Variants in ERN1 observed in about 807,000 individuals in gnomAD.
The protein encoded by ERN1 is serine/threonine-protein kinase/endoribonuclease IRE1.
Under a neutral mutation model 113.1 loss-of-function variants are expected in ERN1, and 39 were observed. The ratio of observed to expected loss-of-function variants is 0.34; its 90% confidence interval spans 0.27 to 0.45. ERN1 has a LOEUF of 0.45. Ranked by LOEUF, ERN1 falls within the 20% of genes least tolerant of loss-of-function variation. The pLI is 1.00. For missense variants in ERN1, 976 were observed against 1,274.8 expected (o/e 0.77, Z 3.57); for synonymous variants, 507 against 515.9 (o/e 0.98, Z 0.23).
intron 1 of ERN1, chr17:64,098,634 T>C: frequency 2.0e-6 from 1 of 512,212 alleles, no homozygotes; most frequent in Non-Finnish European, 3.9e-6. Flanking sequence ...TACCCACGCA[T>C]ACACACATTC....
At chr17:64,090,881 T>C (rs1290162775) in intron 2 of ERN1, among the ~76,000 whole-genome samples, 1 of 152,202 alleles carries the variant, frequency 6.6e-6, no homozygotes, top group Non-Finnish European at 1.5e-5. Flanking sequence ...CATTTGGATA[T>C]GTTTTAAACC....
chr17:64,116,680 C>T (rs1024702069), intron 1 of ERN1, among the ~76,000 whole-genome samples: 1 of 151,940 alleles, frequency 6.6e-6, no homozygotes, highest in African/African-American at 2.4e-5. Flanking sequence ...CACACAAACA[C>T]ACCCATTTGT....
intron 8 of ERN1, 84 bp downstream of exon 8, chr17:64,066,587 T>C: frequency 6.6e-7 from 1 of 1,520,880 alleles, no homozygotes. Context: ...GTCTTTGGCC[T>C]CCCGTGCAGG....
intron 19 of ERN1, 67 bp from the exon 20 acceptor site, chr17:64,045,549 A>C: frequency 6.2e-7 from 1 of 1,602,824 alleles, no homozygotes; most frequent in Non-Finnish European, 8.5e-7. Context: ...TGCGACTGGG[A>C]CTCAGTAACA....
intron 1 of ERN1, among the ~76,000 whole-genome samples, chr17:64,101,037 G>A (rs1299256644): frequency 6.6e-6 from 1 of 152,036 alleles, no homozygotes; most frequent in African/African-American, 2.4e-5. Context: ...AAGCCTGTTA[G>A]AATTAGGTTT....
At chr17:64,115,886 C>T (rs1417255054) in intron 1 of ERN1, among the ~76,000 whole-genome samples, 1 of 152,064 alleles carries the variant, frequency 6.6e-6, no homozygotes, top group Admixed American at 6.6e-5. Flanking sequence ...TTACCAGACC[C>T]TCATCTCTCC....
intron 12 of ERN1, 29 bp from the exon 13 acceptor site, chr17:64,055,977 G>C: frequency 2.0e-6 from 3 of 1,511,044 alleles, no homozygotes; most frequent in Middle Eastern, 2.3e-4. Flanking sequence ...ATCCAGACAA[G>C]GGCAGCTGTT....
intron 19 of ERN1, among the ~76,000 whole-genome samples, chr17:64,045,741 T>C (rs1912493183): frequency 6.6e-6 from 1 of 152,050 alleles, no homozygotes; most frequent in Admixed American, 6.6e-5. Context: ...CACGAACGCA[T>C]ACCCTGAATT....
chr17:64,096,481 A>G (rs923253768), intron 2 of ERN1, among the ~76,000 whole-genome samples: 14 of 152,324 alleles, frequency 9.2e-5, no homozygotes, highest in Middle Eastern at 3.4e-3. Flanking sequence ...TTCATTCTAC[A>G]TTACAATGTA....
At chr17:64,045,257 G>A (rs971344601) in intron 20 of ERN1, 102 bp downstream of exon 20, 8 of 1,366,190 alleles carry the variant, frequency 5.9e-6, no homozygotes, top group Admixed American at 3.7e-5. Context: ...CAGGTGGGAT[G>A]TGGGGCCTGA....
chr17:64,055,505 C>T (rs1912830690), intron 13 of ERN1, among the ~76,000 whole-genome samples, 170 bp downstream of exon 13: 1 of 152,168 alleles, frequency 6.6e-6, no homozygotes, highest in Non-Finnish European at 1.5e-5. Flanking sequence ...AGGGGAGATG[C>T]CAAGGGATGG....
intron 1 of ERN1, among the ~76,000 whole-genome samples, chr17:64,102,457 C>T (rs1914412865): frequency 6.6e-6 from 1 of 152,214 alleles, no homozygotes; most frequent in Non-Finnish European, 1.5e-5. Context: ...TCAAGGCTCT[C>T]AACTGTACCA....
chr17:64,045,669 C>A (rs1055137847), intron 19 of ERN1, among the ~76,000 whole-genome samples, 187 bp from the exon 20 acceptor site: 1 of 152,154 alleles, frequency 6.6e-6, no homozygotes, highest in African/African-American at 2.4e-5. Flanking sequence ...TCACGAAGCA[C>A]AGGCCCACAG....
rs757494318 is a variant in ERN1 at position 64,053,279 on chromosome 17, G to C, written c.2046C>G (p.Leu682=). 1 of 1,607,076 alleles carries C rather than the reference G, an allele frequency of 6.2e-7. No individual in the cohort carries two copies. Among genetic ancestry groups the C allele is most frequent in the East Asian group, 2.2e-5 (1 of 44,816 alleles). ...TAAAGTGCAGCCTCTCACCGATGTT[G>C]AGGGAGTGGAGGTGGGCCAGGCCCG... ...TTSGLAHLHS[L]NIVHRDLKPH... Residue 682 remains leucine (L), a synonymous_variant, in exon 16 of 22, where the codon CTC becomes CTG. Coordinates refer to ENST00000433197, the MANE Select transcript of ERN1 (RefSeq NM_001433.5).
At chr17:64,046,820 C>T (rs963854184) in intron 19 of ERN1, among the ~76,000 whole-genome samples, 1 of 152,218 alleles carries the variant, frequency 6.6e-6, no homozygotes, top group Admixed American at 6.5e-5. Flanking sequence ...GCCCCACAAG[C>T]CTGCTTTCAG....
At chr17:64,053,517 A>C (rs770219153) in intron 15 of ERN1, 146 bp from the exon 16 acceptor site, 2 of 475,332 alleles carry the variant, frequency 4.2e-6, no homozygotes, top group Non-Finnish European at 7.0e-6. Flanking sequence ...AGCAAGGAGC[A>C]AACCTCCAAA....
intron 2 of ERN1, among the ~76,000 whole-genome samples, chr17:64,086,715 C>T (rs1369596218): frequency 1.7e-5 from 2 of 119,790 alleles, no homozygotes; most frequent in Non-Finnish European, 1.6e-5. Flanking sequence ...GGCACAATCT[C>T]AGCAACCTGC....
At chr17:64,112,141 GCAGATCACTTGAGGT>G (rs940411035) in intron 1 of ERN1, among the ~76,000 whole-genome samples, 1 of 152,192 alleles carries the variant, frequency 6.6e-6, no homozygotes, top group African/African-American at 2.4e-5. Context: ...GCCAAGGTGG[GCAGATCACTTGAGGT>G]CAGGAGTTCA....
At chr17:64,045,092 T>G (rs1912468996) in intron 20 of ERN1, among the ~76,000 whole-genome samples, 165 bp from the exon 21 acceptor site, 1 of 151,548 alleles carries the variant, frequency 6.6e-6, no homozygotes, top group South Asian at 2.1e-4. Context: ...AAGGGTGGTA[T>G]CCCCCTGAAC....
Sources: gnomAD v4.1 joint callset for allele counts (sites outside exome capture counted in the v4.1 genomes callset) on GRCh38, gnomAD v4.1.1 for gene constraint, MANE v1.5 for transcripts, NCBI Gene and HGNC (gene_info 2026-07-23, HGNC 2026-07-21) for gene names.